AGAP1: variants seen among roughly 807,000 people sequenced by gnomAD.
AGAP1 encodes the protein arf-GAP with GTPase, ANK repeat and PH domain-containing protein 1.
In AGAP1, 29 loss-of-function variants were observed where a neutral mutation model predicts 105.3. The observed-to-expected ratio is 0.28, with a 90% CI of 0.21 to 0.38. The LOEUF (loss-of-function observed/expected upper bound fraction) is 0.38, where lower values mean the gene tolerates loss of function less well. AGAP1 is among the 10% of genes least tolerant of loss of function. The pLI is 1.00. For missense variants in AGAP1, 998 were observed against 1,165.1 expected (o/e 0.86, Z 2.09); for synonymous variants, 509 against 485.9 (o/e 1.05, Z -0.63).
chr2:235,683,204 G>C (rs1302499672), intron 1 of AGAP1, among the ~76,000 whole-genome samples: 6 of 152,106 alleles, frequency 3.9e-5, no homozygotes, highest in Non-Finnish European at 7.3e-5. Flanking sequence ...CTACTGGGGG[G>C]CTGAGGCAGG....
chr2:235,679,546 T>C (rs1366238841), intron 1 of AGAP1, among the ~76,000 whole-genome samples: 1 of 152,252 alleles, frequency 6.6e-6, no homozygotes, highest in African/African-American at 2.4e-5. Context: ...TTCTCTTTTT[T>C]TCCTTTGGCT....
chr2:235,522,836 C>T (rs1390252569), intron 1 of AGAP1, among the ~76,000 whole-genome samples: 1 of 152,128 alleles, frequency 6.6e-6, no homozygotes, highest in Admixed American at 6.6e-5. Flanking sequence ...GCGATTTGTC[C>T]TGCATTTCTG....
At position 235,872,550 on chromosome 2, in the gene AGAP1, G is replaced by C. The variant is rs1038526320; in HGVS notation, c.1051-10795G>C. 6.6e-6 allele frequency among the ~76,000 whole-genome samples: 1 copy of C among 152,136 alleles called. No homozygotes were observed. The highest frequency in any genetic ancestry group is 2.4e-5 in the African/African-American group (1 of 41,422). On this transcript the variant is annotated intron_variant, in intron 9 of 17. Coordinates refer to ENST00000304032, the MANE Select transcript of AGAP1 (RefSeq NM_001037131.3). This position sits in a 1 kb window ranked among gnomAD's most constrained non-coding sequence, Gnocchi z 4.5. ...CTGAGCATCTCAGGCAGAGCCTTCC[G>C]GCCTCTGTCATCTTCTGGCCAGTAG...
chr2:235,702,380 C>T (rs568242101), intron 1 of AGAP1, among the ~76,000 whole-genome samples: 7 of 152,306 alleles, frequency 4.6e-5, no homozygotes, highest in Admixed American at 2.0e-4. Context: ...CGAGGAAGGA[C>T]GCAGTGGAGG....
At chr2:236,065,784 A>T (rs1362495932) in intron 16 of AGAP1, among the ~76,000 whole-genome samples, 1 of 152,182 alleles carries the variant, frequency 6.6e-6, no homozygotes, top group Non-Finnish European at 1.5e-5. Context: ...TTCAGGGCAA[A>T]TGAAGCCTTA....
intron 5 of AGAP1, among the ~76,000 whole-genome samples, chr2:235,749,033 C>T (rs1300718763): frequency 1.3e-5 from 2 of 152,078 alleles, no homozygotes; most frequent in African/African-American, 4.8e-5. Context: ...CATGGTGAAA[C>T]CCCGTGTCGA....
intron 6 of AGAP1, among the ~76,000 whole-genome samples, chr2:235,757,507 T>G (rs1452889720): frequency 6.6e-6 from 1 of 152,244 alleles, no homozygotes; most frequent in Non-Finnish European, 1.5e-5. Context: ...TAGTTCCTGG[T>G]CTAGGCAGAT....
At chr2:235,774,959 G>C (rs774132990) in intron 6 of AGAP1, among the ~76,000 whole-genome samples, 1 of 152,198 alleles carries the variant, frequency 6.6e-6, no homozygotes, top group Non-Finnish European at 1.5e-5. Context: ...TTTGGGGAAA[G>C]CTGGAGCTCC....
At chr2:235,684,490 C>T (rs149331931) in intron 1 of AGAP1, among the ~76,000 whole-genome samples, 132 of 152,286 alleles carry the variant, frequency 8.7e-4, no homozygotes, top group Non-Finnish European at 9.8e-4. Flanking sequence ...ATGATGGGAG[C>T]GCTGGGTGCT....
chr2:235,545,014 A>G (rs1032465275), intron 1 of AGAP1, among the ~76,000 whole-genome samples: 6 of 152,144 alleles, frequency 3.9e-5, no homozygotes, highest in African/African-American at 1.2e-4. Context: ...TACATTCTAT[A>G]TAGTGGAATT....
intron 1 of AGAP1, among the ~76,000 whole-genome samples, chr2:235,630,842 C>T (rs1946804972): frequency 6.6e-6 from 1 of 152,206 alleles, no homozygotes; most frequent in South Asian, 2.1e-4. Context: ...TGTCATTTCT[C>T]CTCCTAATGA....
chr2:236,099,187 T>C (rs2059277199), intron 16 of AGAP1, among the ~76,000 whole-genome samples: 1 of 151,922 alleles, frequency 6.6e-6, no homozygotes, highest in South Asian at 2.1e-4. Flanking sequence ...GTGCGGTGGC[T>C]CACGCCTGTA....
intron 1 of AGAP1, among the ~76,000 whole-genome samples, chr2:235,618,710 G>A (rs1946383257): frequency 6.6e-6 from 1 of 152,120 alleles, no homozygotes; most frequent in African/African-American, 2.4e-5. Context: ...CTCTTGTTAT[G>A]TGGTATGTAT....
chr2:236,014,351 A>G lies in AGAP1; in HGVS notation c.1646-22210A>G, dbSNP rs887559205. ...TTTTAAAACCTACCTTCTCCAACAC[A>G]TAGGCATGAACTGCTCATAACCAGG... On this transcript the variant is annotated intron_variant, in intron 13 of 17. Coordinates refer to ENST00000304032, the MANE Select transcript of AGAP1 (RefSeq NM_001037131.3). This position sits in a 1 kb window ranked among gnomAD's most constrained non-coding sequence, Gnocchi z 6.3. 5.9e-5 allele frequency among the ~76,000 whole-genome samples: 9 copies of G among 152,254 alleles called. No homozygotes were observed. Among genetic ancestry groups the G allele is most frequent in the African/African-American group, 1.9e-4 (8 of 41,560 alleles).
At chr2:235,686,655 A>T (rs1302622012) in intron 1 of AGAP1, among the ~76,000 whole-genome samples, 7 of 55,820 alleles carry the variant, frequency 1.3e-4, no homozygotes, top group Admixed American at 9.9e-4. Context: ...AGATATATAT[A>T]TATATATATA....
In AGAP1 at chr2:235,908,091, T is replaced by C. The variant is rs573102262; in HGVS notation, c.1156-647T>C. ...CCCGTTCCCTGCCCATCAGCCAGTT[T>C]CCAGGTAGTGTTTGACTCCACAGTG... On this transcript the variant is annotated intron_variant, in intron 10 of 17. Coordinates refer to ENST00000304032, the MANE Select transcript of AGAP1 (RefSeq NM_001037131.3). This position sits in a 1 kb window ranked among gnomAD's most constrained non-coding sequence, Gnocchi z 4.4. 6.6e-6 allele frequency among the ~76,000 whole-genome samples: 1 copy of C among 152,332 alleles called. No homozygotes were observed. Among genetic ancestry groups the C allele is most frequent in the African/African-American group, 2.4e-5 (1 of 41,578 alleles).
At chr2:235,604,611 C>T (rs1945859633) in intron 1 of AGAP1, among the ~76,000 whole-genome samples, 1 of 91,682 alleles carries the variant, frequency 1.1e-5, no homozygotes, top group Non-Finnish European at 1.9e-5. Flanking sequence ...GAGATGGAGT[C>T]TCGCTCTGTT....
At chr2:235,684,267 A>G (rs1410817959) in intron 1 of AGAP1, among the ~76,000 whole-genome samples, 1 of 152,034 alleles carries the variant, frequency 6.6e-6, no homozygotes, top group Admixed American at 6.6e-5. Flanking sequence ...GATGGTCTCG[A>G]TCTCCTGACC....
intron 6 of AGAP1, among the ~76,000 whole-genome samples, chr2:235,759,187 G>GA (rs1451569832): frequency 4.7e-5 from 2 of 42,366 alleles, no homozygotes; most frequent in Non-Finnish European, 9.1e-5. Flanking sequence ...TTTTTTTTTT[G>GA]AGATGGAGTC....
Sources: gnomAD v4.1 joint callset for allele counts (sites outside exome capture counted in the v4.1 genomes callset) on GRCh38, gnomAD v4.1.1 for gene constraint, Gnocchi (gnomAD v3.1) non-coding constraint, MANE v1.5 for transcripts, NCBI Gene and HGNC (gene_info 2026-07-23, HGNC 2026-07-21) for gene names.